AFG1L: variants seen among roughly 807,000 people sequenced by gnomAD.
The protein encoded by AFG1L is AFG1-like ATPase.
A neutral mutation model predicts 62.2 loss-of-function variants in AFG1L; 53 were observed. The ratio of observed to expected loss-of-function variants is 0.85; its 90% CI spans 0.68 to 1.07. The LOEUF (loss-of-function observed/expected upper bound fraction) is 1.07, where lower values mean the gene tolerates loss of function less well. Ranked by LOEUF, AFG1L falls within the 50% of genes least tolerant of loss-of-function variation. The probability of loss-of-function intolerance (pLI) is 0.00; values close to 1 mark genes in which losing one functional copy is unlikely to be tolerated. For missense variants in AFG1L, 555 were observed against 590.5 expected, an observed-to-expected ratio of 0.94 and a Z score of 0.62; for synonymous variants, 228 against 210.3, an observed-to-expected ratio of 1.08 and a Z score of -0.73.
chr6:108,329,518 C>T (rs960308718), intron 2 of AFG1L, among the ~76,000 whole-genome samples: 1 of 150,480 alleles, frequency 6.6e-6, no homozygotes, highest in Non-Finnish European at 1.5e-5. Flanking sequence ...AGGCTGTTCT[C>T]GAACTCCTGA....
In AFG1L at chr6:108,295,199, T is replaced by TG; in HGVS notation, c.123dup (p.Lys42GlufsTer39). 6.2e-7 allele frequency: 1 copy of TG among 1,604,916 alleles called. No individual in the cohort carries two copies. Among genetic ancestry groups the TG allele is most frequent in the South Asian group, 1.1e-5 (1 of 91,018 alleles). On this transcript the variant is annotated frameshift_variant, in exon 1 of 13. Coordinates refer to ENST00000368977, the MANE Select transcript of AFG1L (RefSeq NM_145315.5). LOFTEE classifies it high-confidence loss of function. ...CTCTCGCTCCTCTGGCCACCGCCCC[T>TG]GGGAAGCCCTTTTGGAAAGGTCAGT...
chr6:108,369,985 T>TA (rs1243845478), intron 6 of AFG1L, among the ~76,000 whole-genome samples: 1 of 151,868 alleles, frequency 6.6e-6, no homozygotes, highest in Non-Finnish European at 1.5e-5. Context: ...TCTATCTATC[T>TA]ATCTTTTAAA....
chr6:108,450,973 C>G (rs1020752490), intron 8 of AFG1L, among the ~76,000 whole-genome samples: 27 of 151,830 alleles, frequency 1.8e-4, no homozygotes, highest in African/African-American at 6.3e-4. Context: ...ATTAACTTTA[C>G]CCTGTAACAG....
intron 8 of AFG1L, 129 bp from the exon 9 acceptor site, chr6:108,476,736 T>C (rs1773118387): frequency 1.5e-6 from 1 of 652,726 alleles, no homozygotes; most frequent in African/African-American, 1.8e-5. Context: ...CTAAATCTAA[T>C]GTTTGTATTT....
rs573305101 is a variant in AFG1L at position 108,298,594 on chromosome 6, A to G, written c.139+3376A>G. Among the ~76,000 whole-genome samples, 23 of 152,028 alleles carry G rather than the reference A, an allele frequency of 1.5e-4. No homozygotes were observed. The East Asian group carries it at 3.1e-3, about 20-fold the overall frequency. On this transcript the variant is annotated intron_variant, in intron 1 of 12. Coordinates refer to ENST00000368977, the MANE Select transcript of AFG1L (RefSeq NM_145315.5). ...TTTTTTATTTTTAGCAAAAGTGTGG[A>G]TGTGAGCTGTACATGGCCCTTATTG...
In AFG1L at chr6:108,382,460, A is replaced by G. The variant is rs75037640; in HGVS notation, c.748+16128A>G. Among the ~76,000 whole-genome samples the G allele has an allele frequency of 1.9e-3, 282 of 152,340 alleles. 6 individuals are homozygous for G. In the East Asian group the frequency reaches 0.049, roughly 26 times the overall value. ...GAATATCACTAGAAAGTTGGCTAACAGTTATGGGTATGCACGTACACACAC... is the reference window on the plus strand; with the variant it reads ...GAATATCACTAGAAAGTTGGCTAACGGTTATGGGTATGCACGTACACACAC... On this transcript the variant is annotated intron_variant, in intron 6 of 12. Transcript: ENST00000368977.
At chr6:108,308,308 C>T (rs1213679301) in intron 1 of AFG1L, among the ~76,000 whole-genome samples, 1 of 152,002 alleles carries the variant, frequency 6.6e-6, no homozygotes, top group African/African-American at 2.4e-5. Context: ...CGCCACCACA[C>T]CCAGCTAATT....
intron 10 of AFG1L, 56 bp from the exon 11 acceptor site, chr6:108,510,155 CA>C: frequency 7.1e-7 from 1 of 1,416,950 alleles, no homozygotes; most frequent in Non-Finnish European, 9.6e-7. Context: ...TAAACCACTC[CA>C]AAGGCAACCA....
At chr6:108,417,687 G>A (rs1770380352) in intron 7 of AFG1L, among the ~76,000 whole-genome samples, 1 of 152,004 alleles carries the variant, frequency 6.6e-6, no homozygotes, top group African/African-American at 2.4e-5. Context: ...GGTTGTAATT[G>A]TAATAATTGT....
intron 5 of AFG1L, 102 bp downstream of exon 5, chr6:108,356,922 A>T: frequency 1.0e-6 from 1 of 1,004,062 alleles, no homozygotes; most frequent in Non-Finnish European, 1.5e-6. Context: ...AGGTGATTTG[A>T]CACATTATCT....
chr6:108,488,703 CAA>C (rs78193331), intron 10 of AFG1L, among the ~76,000 whole-genome samples: 10 of 132,550 alleles, frequency 7.5e-5, no homozygotes, highest in African/African-American at 8.2e-5. Flanking sequence ...ACTGAAATAC[CAA>C]AAAAAAAAAA....
chr6:108,496,654 T>C (rs1773985467), intron 10 of AFG1L, among the ~76,000 whole-genome samples: 1 of 152,212 alleles, frequency 6.6e-6, no homozygotes, highest in Admixed American at 6.5e-5. Context: ...AATGTTGTTT[T>C]TCTACATCAT....
intron 7 of AFG1L, among the ~76,000 whole-genome samples, chr6:108,407,386 A>G (rs1428965111): frequency 1.3e-5 from 2 of 152,146 alleles, no homozygotes; most frequent in East Asian, 3.8e-4. Context: ...AGTCTGGGAT[A>G]TATGAGTCAA....
chr6:108,414,514 A>C (rs554393809), intron 7 of AFG1L, among the ~76,000 whole-genome samples: 1 of 152,136 alleles, frequency 6.6e-6, no homozygotes, highest in South Asian at 2.1e-4. Context: ...TCGATGCAAA[A>C]CTCCTCAATA....
intron 11 of AFG1L, among the ~76,000 whole-genome samples, chr6:108,511,134 AGG>A (rs1228156456): frequency 3.5e-5 from 5 of 141,106 alleles, no homozygotes; most frequent in Non-Finnish European, 6.5e-5. Context: ...AAGGAGGAGG[AGG>A]AGGAGGAGGA....
At chr6:108,468,753 AT>A (rs1772771300) in intron 8 of AFG1L, among the ~76,000 whole-genome samples, 1 of 100,310 alleles carries the variant, frequency 1.0e-5, no homozygotes, top group Non-Finnish European at 2.1e-5. Flanking sequence ...TTTCTCTTCT[AT>A]TTTCCTTTTT....
intron 2 of AFG1L, among the ~76,000 whole-genome samples, chr6:108,326,129 G>A: frequency 6.6e-6 from 1 of 152,100 alleles, no homozygotes; most frequent in Non-Finnish European, 1.5e-5. Flanking sequence ...GGGTGCAGTA[G>A]CACAATCATA....
intron 8 of AFG1L, among the ~76,000 whole-genome samples, chr6:108,466,256 T>C (rs1337156007): frequency 6.6e-6 from 1 of 152,178 alleles, no homozygotes; most frequent in Non-Finnish European, 1.5e-5. Context: ...TCTCCTACAC[T>C]GAACATAGGT....
intron 2 of AFG1L, chr6:108,344,748 C>T (rs1362645782): frequency 2.1e-6 from 1 of 471,170 alleles, no homozygotes; most frequent in East Asian, 6.9e-5. Flanking sequence ...ACTCACTCCA[C>T]CCTGTCATAC....
Sources: allele counts gnomAD v4.1 joint callset (sites outside exome capture counted in the v4.1 genomes callset), GRCh38; gene constraint gnomAD v4.1.1; transcripts MANE v1.5; gene names NCBI Gene and HGNC (gene_info 2026-07-23, HGNC 2026-07-21).